SLC2A2: variants seen among roughly 807,000 people sequenced by gnomAD.
The protein encoded by SLC2A2 is solute carrier family 2, facilitated glucose transporter member 2.
In SLC2A2, 36 loss-of-function variants were observed where a neutral mutation model predicts 54.5. The observed-to-expected ratio is 0.66, with a 90% CI of 0.51 to 0.87. SLC2A2 has a LOEUF of 0.87. Ranked by LOEUF, SLC2A2 falls within the 40% of genes least tolerant of loss-of-function variation. SLC2A2 has a pLI of 0.00. For synonymous variants in SLC2A2, 223 were observed against 219.1 expected, an observed-to-expected ratio of 1.02 and a Z score of -0.16; for missense variants, 543 against 624.3, an observed-to-expected ratio of 0.87 and a Z score of 1.39.
chr3:171,024,329 G>A (rs1490614433), intron 1 of SLC2A2, among the ~76,000 whole-genome samples: 2 of 152,130 alleles, frequency 1.3e-5, no homozygotes, highest in Non-Finnish European at 2.9e-5. Flanking sequence ...ATACCACAAA[G>A]TACATGAAAT....
At position 171,004,811 on chromosome 3, in the gene SLC2A2, A is replaced by G. The variant is rs187846159; in HGVS notation, c.963+474T>C. Among the ~76,000 whole-genome samples the G allele has an allele frequency of 1.1e-4, 17 of 152,048 alleles. No individual in the cohort carries two copies. In the East Asian group the frequency reaches 2.1e-3, roughly 19 times the overall value. On this transcript the variant is annotated intron_variant, in intron 7 of 10. Coordinates refer to ENST00000314251, the MANE Select transcript of SLC2A2 (RefSeq NM_000340.2). ...TACTCTATTATTTATTTTGTGTGCTATCTCCTCAAATGGAGTGAAAATTTC... is the reference window on the plus strand; with the variant it reads ...TACTCTATTATTTATTTTGTGTGCTGTCTCCTCAAATGGAGTGAAAATTTC...
Position 170,997,808 on chromosome 3 carries a change from TA to T in SLC2A2, c.*94del, listed in dbSNP as rs886058175. The T allele has an allele frequency of 1.5e-5, 15 of 985,342 alleles. No homozygotes were observed. The highest frequency in any genetic ancestry group is 3.2e-6 in the Non-Finnish European group (2 of 628,064). 61.0% of individuals were successfully genotyped at this position (985,342 alleles called of 1,614,324 possible). On this transcript the variant is annotated 3_prime_UTR_variant, in exon 11 of 11. Coordinates refer to ENST00000314251, the MANE Select transcript of SLC2A2 (RefSeq NM_000340.2). The stretch of plus-strand genomic sequence containing the variant: ...GAGCACATAAAAATAAAACAATACT[TA>T]AAGATGTGGATATAAAATGCTCAAG...
At chr3:171,006,166 A>G in intron 5 of SLC2A2, 61 bp from the exon 6 acceptor site, 1 of 1,505,690 alleles carries the variant, frequency 6.6e-7, no homozygotes, top group Non-Finnish European at 9.2e-7. Context: ...CTTTTACACT[A>G]GTTTGTTGAA....
intron 1 of SLC2A2, among the ~76,000 whole-genome samples, chr3:171,022,023 C>T (rs1716486870): frequency 6.6e-6 from 1 of 152,200 alleles, no homozygotes; most frequent in Non-Finnish European, 1.5e-5. Context: ...TTAATCTCAT[C>T]TGTAAAGTCT....
At chr3:171,007,822 G>C (rs1187352878) in intron 4 of SLC2A2, among the ~76,000 whole-genome samples, 2 of 152,040 alleles carry the variant, frequency 1.3e-5, no homozygotes, top group African/African-American at 4.8e-5. Context: ...AGGTAGAAGA[G>C]GTTAAGGATC....
intron 4 of SLC2A2, among the ~76,000 whole-genome samples, chr3:171,008,125 T>C (rs1021441883): frequency 6.6e-6 from 1 of 152,096 alleles, no homozygotes; most frequent in Non-Finnish European, 1.5e-5. Flanking sequence ...TATTTAAAAA[T>C]AGGATTTGCA....
chr3:171,014,706 A>T lies in SLC2A2; in HGVS notation c.134T>A (p.Val45Asp), dbSNP rs149108283. Residue 45 changes from valine to aspartate, a missense_variant, in exon 3 of 11, where the codon GTT becomes GAT. Val to Asp is a radical substitution (Grantham distance 152). This residue lies in a region of SLC2A2 where 318 missense variants were observed against 343.8 expected (regional missense o/e 0.93). Transcript: ENST00000314251. ...TCGGTCATCCAGTGGAACACCCAAA[A>T]CATGTCTATAGTGAGATATTATTAC... ...QQVIISHYRH[V>D]LGVPLDDRKA... is the part of the protein sequence containing the mutation. 54 of 1,613,050 alleles carry T rather than the reference A, an allele frequency of 3.3e-5. No individual in the cohort carries two copies. Among genetic ancestry groups the T allele is most frequent in the African/African-American group, 5.3e-5 (4 of 74,906 alleles).
At chr3:171,020,920 T>G (rs1032621032) in intron 1 of SLC2A2, among the ~76,000 whole-genome samples, 4 of 150,704 alleles carry the variant, frequency 2.7e-5, no homozygotes, top group East Asian at 1.9e-4. Context: ...TTATATATCA[T>G]TTACATCTGA....
chr3:171,025,323 TTA>T (rs1716639374), intron 1 of SLC2A2, among the ~76,000 whole-genome samples: 1 of 136,558 alleles, frequency 7.3e-6, no homozygotes, highest in Non-Finnish European at 1.5e-5. Flanking sequence ...ATAATATAAT[TTA>T]TCTTTTATAA....
rs1353603250 is a variant in SLC2A2 at position 170,997,998 on chromosome 3, C to G, written c.1480G>C (p.Glu494Gln). 1.2e-6 allele frequency: 2 copies of G among 1,613,538 alleles called. No homozygotes were observed. Among genetic ancestry groups the G allele is most frequent in the Non-Finnish European group, 1.7e-6 (2 of 1,179,788 alleles). The change falls in exon 11 of 11, where the codon GAA becomes CAA. Residue 494 changes from glutamate to glutamine, a missense_variant. Around this residue, in one of 3 missense-constraint regions of SLC2A2, gnomAD observed 108 missense variants for 101.3 expected, o/e 1.07. Coordinates refer to ENST00000314251, the MANE Select transcript of SLC2A2 (RefSeq NM_000340.2). Reference sequence around the variant, plus strand: ...TTCTTTTGGAATTCTGCAGCAATTTCCTCAAAAGACTTTCCTTTGGTTTCT... The same window carrying G: ...TTCTTTTGGAATTCTGCAGCAATTTGCTCAAAAGACTTTCCTTTGGTTTCT... The part of the protein sequence containing the change: ...VPETKGKSFE[E>Q]IAAEFQKKSG...
chr3:171,015,306 G>A (rs1716095751), intron 2 of SLC2A2, among the ~76,000 whole-genome samples: 3 of 151,956 alleles, frequency 2.0e-5, no homozygotes, highest in Admixed American at 2.0e-4. Context: ...CTGTCTCTAC[G>A]AAGAATACTA....
chr3:171,014,448 T>A, intron 3 of SLC2A2, 21 bp downstream of exon 3: 1 of 1,612,716 alleles, frequency 6.2e-7, no homozygotes, highest in Non-Finnish European at 8.5e-7. Context: ...CTGTTTATGC[T>A]TATTTATGAA....
At chr3:171,007,877 TTATTC>T (rs1715685277) in intron 4 of SLC2A2, among the ~76,000 whole-genome samples, 1 of 152,076 alleles carries the variant, frequency 6.6e-6, no homozygotes, top group African/African-American at 2.4e-5. Context: ...CCCAGCTTCT[TTATTC>T]TATTCAAATA....
At position 170,998,076 on chromosome 3, in the gene SLC2A2, G is replaced by C. The variant is rs140138702; in HGVS notation, c.1402C>G (p.Leu468Val). The C allele has an allele frequency of 3.6e-4, 581 of 1,613,572 alleles. 8 individuals carry two copies. In the East Asian group the frequency reaches 0.011, roughly 32 times the overall value. Residue 468 changes from leucine (L) to valine (V), a missense_variant, in exon 11 of 11, where the codon CTC becomes GTC. Transcript: ENST00000314251. The part of the protein sequence containing the change: ...ADFCGPYVFF[L>V]FAGVLLAFTL... The stretch of plus-strand genomic sequence containing the variant: ...AAGGCCAGGAGCACTCCAGCAAAGA[G>C]GAAAAACACATAAGGTCCACAGAAG...
chr3:171,002,239 A>G (rs1340349980), intron 8 of SLC2A2, among the ~76,000 whole-genome samples: 1 of 151,984 alleles, frequency 6.6e-6, no homozygotes, highest in East Asian at 1.9e-4. Flanking sequence ...GCTGTCAGCT[A>G]CTCCCAAGGG....
Position 171,014,621 on chromosome 3 carries a change from T to C in SLC2A2, c.219A>G (p.Ser73=). 6.2e-7 allele frequency: 1 copy of C among 1,614,110 alleles called. No individual in the cohort carries two copies. The highest frequency in any genetic ancestry group is 8.5e-7 in the Non-Finnish European group (1 of 1,179,998). The change falls in exon 3 of 11, where the codon TCA becomes TCG. Residue 73 remains serine (S), a synonymous_variant. Transcript: ENST00000314251. The stretch of plus-strand genomic sequence containing the variant: ...CCCAAGGGGTTGGTTTTGGGTTCAT[T>C]GAGTATGAGATTGTGGGCAGTTCAT... ...STDELPTISY[S]MNPKPTPWAE... is the part of the protein sequence containing the mutation.
At chr3:171,015,332 T>C (rs1716096902) in intron 2 of SLC2A2, among the ~76,000 whole-genome samples, 1 of 152,038 alleles carries the variant, frequency 6.6e-6, no homozygotes, top group South Asian at 2.1e-4. Flanking sequence ...TACCCAGGCA[T>C]GGTGGCACAT....
chr3:171,018,684 G>T, intron 1 of SLC2A2, 61 bp from the exon 2 acceptor site: 1 of 1,158,054 alleles, frequency 8.6e-7, no homozygotes, highest in Non-Finnish European at 1.3e-6. Flanking sequence ...CCATCTTTCT[G>T]TCAGGCTGCA....
chr3:171,005,237 T>C, intron 7 of SLC2A2, 48 bp downstream of exon 7: 1 of 1,533,038 alleles, frequency 6.5e-7, no homozygotes, highest in Non-Finnish European at 9.0e-7. Context: ...GCCTTCCCTA[T>C]TTTAATTCAC....
Sources: allele counts gnomAD v4.1 joint callset (sites outside exome capture counted in the v4.1 genomes callset), GRCh38; gene constraint gnomAD v4.1.1; regional missense constraint gnomAD v4.1.1; transcripts MANE v1.5; gene names NCBI Gene and HGNC (gene_info 2026-07-23, HGNC 2026-07-21).